The following TRMT9B variants were observed in gnomAD, a reference collection of about 807,000 sequenced individuals.
TRMT9B encodes probable tRNA methyltransferase 9B.
Under a neutral mutation model 11.5 loss-of-function variants are expected in TRMT9B, and 16 were observed. That is an observed-to-expected ratio of 1.39 (90% CI 0.94 to 2.11). The LOEUF is 2.11. TRMT9B is among the 30% of genes most tolerant of loss of function. The pLI, the probability that TRMT9B is intolerant of heterozygous loss-of-function variation, is 0.00. For synonymous variants in TRMT9B, 274 were observed against 192.4 expected (o/e 1.42, Z -3.51); for missense variants, 941 against 553.8 (o/e 1.70, Z -7.02).
At chr8:12,973,102 TG>T (rs1230102615) in intron 1 of TRMT9B, among the ~76,000 whole-genome samples, 2 of 152,232 alleles carry the variant, frequency 1.3e-5, no homozygotes, top group Non-Finnish European at 2.9e-5. Flanking sequence ...CTTTCATGTC[TG>T]GCTTATTTCA....
At chr8:12,964,677 C>T (rs183195030) in intron 1 of TRMT9B, among the ~76,000 whole-genome samples, 6 of 152,286 alleles carry the variant, frequency 3.9e-5, no homozygotes, top group South Asian at 2.1e-4. Flanking sequence ...CGGGCTCAAG[C>T]GATCTTCCCT....
rs756237978 is a variant in TRMT9B at position 13,021,103 on chromosome 8, T to C, written c.424T>C (p.Trp142Arg). Residue 142 changes from tryptophan to arginine, a missense_variant, in exon 5 of 5, where the codon TGG becomes CGG. By Grantham distance (101) the Trp-to-Arg change is moderately radical. Transcript: ENST00000524591. ...CGGAGGCCAACTGATGATTTACGTTTGGGCAATGGAACAAAAGAACCGTCA... is the reference window on the plus strand; with the variant it reads ...CGGAGGCCAACTGATGATTTACGTTCGGGCAATGGAACAAAAGAACCGTCA... ...VPGGQLMIYV[W>R]AMEQKNRHFE... 3 of 1,611,626 alleles carry C rather than the reference T, an allele frequency of 1.9e-6. No individual in the cohort carries two copies. Among genetic ancestry groups the C allele is most frequent in the Non-Finnish European group, 1.7e-6 (2 of 1,178,528 alleles).
intron 3 of TRMT9B, chr8:13,011,245 C>T (rs1811559116): frequency 2.1e-6 from 2 of 943,916 alleles, no homozygotes; most frequent in African/African-American, 1.8e-5. Context: ...CACAGCCTCC[C>T]AAAGTGCTAG....
chr8:13,029,276 A>G lies in TRMT9B; in HGVS notation c.*7232A>G, dbSNP rs548049177. On this transcript the variant is annotated 3_prime_UTR_variant, in exon 5 of 5. Transcript: ENST00000524591. ...TCGTGTTGATACGTGTATTTGGGTC[A>G]AAAGTGCAAAAACTTTTTTCTACAA... is the stretch of plus-strand genomic sequence containing the variant. 1 of 167,180 alleles carries G rather than the reference A, an allele frequency of 6.0e-6. No homozygotes were observed. The highest frequency in any genetic ancestry group is 2.4e-5 in the African/African-American group (1 of 41,576). The allele number at this position is 167,180 out of a possible 1,614,324, so 10.4% of individuals were successfully genotyped here.
At chr8:13,011,494 A>ATTTGTACTTATTGGC in intron 3 of TRMT9B, 1 of 976,544 alleles carries the variant, frequency 1.0e-6, no homozygotes, top group Non-Finnish European at 1.2e-6. Context: ...TAATGCCAAT[A>ATTTGTACTTATTGGC]AGTACAAATA....
intron 3 of TRMT9B, chr8:13,011,270 GC>G (rs1311978695): frequency 1.0e-6 from 1 of 983,476 alleles, no homozygotes; most frequent in East Asian, 1.1e-4. Flanking sequence ...ATAGGCATGA[GC>G]CACCGCGCCA....
At chr8:13,000,679 C>A (rs560892968) in intron 2 of TRMT9B, among the ~76,000 whole-genome samples, 1 of 152,120 alleles carries the variant, frequency 6.6e-6, no homozygotes, top group Non-Finnish European at 1.5e-5. Flanking sequence ...ACCTCGTAAG[C>A]TTTACAAGTT....
intron 2 of TRMT9B, among the ~76,000 whole-genome samples, chr8:13,002,614 C>T (rs1468636028): frequency 6.6e-6 from 1 of 152,022 alleles, no homozygotes; most frequent in Non-Finnish European, 1.5e-5. Flanking sequence ...CAACCTATTA[C>T]GTTTTAAGAG....
rs138471319 is a variant in TRMT9B, at chr8:12,994,101, CA to C, written c.-2+3071del. Among the ~76,000 whole-genome samples the C allele has an allele frequency of 2.1e-4, 32 of 152,294 alleles. No individual in the cohort carries two copies. In the East Asian group the frequency reaches 5.2e-3, roughly 25 times the overall value. On this transcript the variant is annotated intron_variant, in intron 2 of 4. Coordinates refer to ENST00000524591, the MANE Select transcript of TRMT9B (RefSeq NM_020844.3). ...CACAGTCAATGTGCCTGGCAGGCCC[CA>C]GTGACACTTGGAGTCTGAGAGAGGT... is the stretch of plus-strand genomic sequence containing the variant.
intron 1 of TRMT9B, among the ~76,000 whole-genome samples, chr8:12,980,644 A>G (rs982826312): frequency 6.6e-6 from 1 of 152,140 alleles, no homozygotes; most frequent in African/African-American, 2.4e-5. Flanking sequence ...GCCAAAGCCT[A>G]CCATATAACA....
chr8:13,005,085 C>CAAAAAAAA (rs1223540759), intron 2 of TRMT9B, among the ~76,000 whole-genome samples: 4 of 87,700 alleles, frequency 4.6e-5, no homozygotes, highest in African/African-American at 1.8e-4. Flanking sequence ...GACTGCATCT[C>CAAAAAAAA]AAAAAAAAAA....
At position 13,023,738 on chromosome 8, in the gene TRMT9B, C is replaced by T. The variant is rs517640; in HGVS notation, c.*1694C>T. 9,718 of 166,754 alleles carry T rather than the reference C, an allele frequency of 0.058. 351 individuals are homozygous for T. The highest frequency in any genetic ancestry group is 0.081 in the African/African-American group (3,355 of 41,506). The allele number at this position is 166,754 out of a possible 1,614,324, so 10.3% of individuals were successfully genotyped here. ...CCACTAAAAGTGACTAAAATAATAACGAATTTCATTTGTTCTTGGGTTCTT... is the reference window on the plus strand; with the variant it reads ...CCACTAAAAGTGACTAAAATAATAATGAATTTCATTTGTTCTTGGGTTCTT... On this transcript the variant is annotated 3_prime_UTR_variant, in exon 5 of 5. Coordinates refer to ENST00000524591, the MANE Select transcript of TRMT9B (RefSeq NM_020844.3).
At position 13,022,283 on chromosome 8, in the gene TRMT9B, C is replaced by A. The variant is rs1425165227; in HGVS notation, c.*239C>A. On this transcript the variant is annotated 3_prime_UTR_variant, in exon 5 of 5. Coordinates refer to ENST00000524591, the MANE Select transcript of TRMT9B (RefSeq NM_020844.3). ...TGTTAATATACAAGATCTGAAGAAG[C>A]AACAGAAAGTACCCTTCAGTACACC... The A allele has an allele frequency of 4.6e-6, 2 of 432,144 alleles. No individual in the cohort carries two copies. Among genetic ancestry groups the A allele is most frequent in the East Asian group, 4.0e-5 (1 of 24,856 alleles). 26.8% of individuals were successfully genotyped at this position (432,144 alleles called of 1,614,324 possible).
chr8:12,993,020 G>C (rs1327217875), intron 2 of TRMT9B, among the ~76,000 whole-genome samples: 1 of 152,216 alleles, frequency 6.6e-6, no homozygotes, highest in East Asian at 1.9e-4. Flanking sequence ...TTGCCGGTGA[G>C]AGAGAATAGA....
intron 4 of TRMT9B, among the ~76,000 whole-genome samples, chr8:13,018,506 C>T (rs10108579): frequency 0.33 from 50,025 of 151,546 alleles, 9,264 homozygotes; most frequent in Middle Eastern, 0.53. Flanking sequence ...AAAATAGTCC[C>T]GTTTTAAAGG....
At chr8:12,950,563 T>TTCTTTCTTTC (rs1800520197) in intron 1 of TRMT9B, among the ~76,000 whole-genome samples, 5 of 152,068 alleles carry the variant, frequency 3.3e-5, no homozygotes, top group African/African-American at 9.7e-5. Flanking sequence ...CTTTCTTTCT[T>TTCTTTCTTTC]TTTGAATGTG....
intron 2 of TRMT9B, among the ~76,000 whole-genome samples, chr8:13,000,154 T>A (rs17784735): frequency 0.11 from 17,174 of 152,154 alleles, 1,002 homozygotes; most frequent in South Asian, 0.13. Flanking sequence ...TTCATTGCAG[T>A]GATAAGGGAT....
At chr8:12,997,095 C>G (rs909652459) in intron 2 of TRMT9B, among the ~76,000 whole-genome samples, 3 of 151,678 alleles carry the variant, frequency 2.0e-5, no homozygotes, top group African/African-American at 7.3e-5. Flanking sequence ...TGTGGACTTC[C>G]CTTTTAATAT....
intron 3 of TRMT9B, among the ~76,000 whole-genome samples, chr8:13,008,549 T>C (rs1810931669): frequency 6.6e-6 from 1 of 152,156 alleles, no homozygotes; most frequent in Non-Finnish European, 1.5e-5. Context: ...AGCAGGTACA[T>C]TAACTGCAAA....
Sources: gnomAD v4.1 joint callset for allele counts (sites outside exome capture counted in the v4.1 genomes callset) on GRCh38, gnomAD v4.1.1 for gene constraint, MANE v1.5 for transcripts, NCBI Gene and HGNC (gene_info 2026-07-23, HGNC 2026-07-21) for gene names.